The following LTBP2 variants were observed in gnomAD, a reference collection of about 807,000 sequenced individuals.
LTBP2 encodes the protein latent transforming growth factor beta binding protein 2, also known as latent-transforming growth factor beta-binding protein 2.
A neutral mutation model predicts 210.6 loss-of-function variants in LTBP2; 103 were observed. The ratio of observed to expected loss-of-function variants is 0.49; its 90% CI spans 0.42 to 0.58. The LOEUF (loss-of-function observed/expected upper bound fraction) is 0.58. LTBP2 is among the 20% of genes least tolerant of loss of function. LTBP2 has a pLI of 0.00. For missense variants in LTBP2, 2,313 were observed against 2,494.5 expected (o/e 0.93, Z 1.55); for synonymous variants, 1,007 against 1,015.0 (o/e 0.99, Z 0.15).
At position 74,517,764 on chromosome 14, in the gene LTBP2, GT is replaced by G. The variant is rs528908601; in HGVS notation, c.2789-824del. ...TTAGGTAACCATGGATCTGTAGGGTGTGGTTTCTGTCACTTTTCCAAAGTAT... is the reference window on the plus strand; with the variant it reads ...TTAGGTAACCATGGATCTGTAGGGTGGGTTTCTGTCACTTTTCCAAAGTAT... On this transcript the variant is annotated intron_variant, in intron 17 of 35. Coordinates refer to ENST00000261978, the MANE Select transcript of LTBP2 (RefSeq NM_000428.3). 9.8e-5 allele frequency among the ~76,000 whole-genome samples: 15 copies of G among 152,324 alleles called. No homozygotes were observed. In the East Asian group the frequency reaches 2.9e-3, roughly 29 times the overall value.
At chr14:74,587,742 T>C (rs998086595) in intron 2 of LTBP2, among the ~76,000 whole-genome samples, 2 of 152,136 alleles carry the variant, frequency 1.3e-5, no homozygotes, top group Non-Finnish European at 2.9e-5. Context: ...AGCAGGTTCC[T>C]GGGTTTTGTG....
At chr14:74,529,677 C>A (rs2087325747) in intron 10 of LTBP2, among the ~76,000 whole-genome samples, 1 of 152,190 alleles carries the variant, frequency 6.6e-6, no homozygotes, top group African/African-American at 2.4e-5. Context: ...ACCAATCAAA[C>A]ACAGAATCAA....
intron 10 of LTBP2, among the ~76,000 whole-genome samples, chr14:74,529,950 G>T (rs2087329292): frequency 6.6e-6 from 1 of 152,130 alleles, no homozygotes; most frequent in African/African-American, 2.4e-5. Flanking sequence ...ATGATTCTGG[G>T]GAAGTGCTGG....
intron 8 of LTBP2, 117 bp downstream of exon 8, chr14:74,549,746 T>C: frequency 1.2e-6 from 1 of 868,554 alleles, no homozygotes; most frequent in South Asian, 1.3e-5. Flanking sequence ...GTCTGCAGTT[T>C]ACCAGCCTGT....
chr14:74,523,017 C>T (rs941063069), intron 15 of LTBP2, 99 bp from the exon 16 acceptor site: 9 of 1,443,670 alleles, frequency 6.2e-6, no homozygotes, highest in Non-Finnish European at 8.5e-6. Context: ...GTCTAGGGGC[C>T]TCAGAAGGCC....
At chr14:74,590,424 G>A (rs1357603570) in intron 2 of LTBP2, among the ~76,000 whole-genome samples, 1 of 152,088 alleles carries the variant, frequency 6.6e-6, no homozygotes, top group Non-Finnish European at 1.5e-5. Flanking sequence ...AGAAAATGTG[G>A]TGAACCCCAT....
rs1453807191 is a variant in LTBP2, at chr14:74,500,502, G to A, written c.*382C>T. On this transcript the variant is annotated 3_prime_UTR_variant, in exon 36 of 36. Coordinates refer to ENST00000261978, the MANE Select transcript of LTBP2 (RefSeq NM_000428.3). Reference sequence around the variant, plus strand: ...CTCTGTCCCAGTTGTGGGATCGTCAGGATGATGGTGGATTGTGGCTGGAAA... The same window carrying A: ...CTCTGTCCCAGTTGTGGGATCGTCAAGATGATGGTGGATTGTGGCTGGAAA... The A allele has an allele frequency of 4.6e-6, 2 of 433,650 alleles. No homozygotes were observed. 26.9% of individuals were successfully genotyped at this position (433,650 alleles called of 1,614,324 possible). A position where few individuals can be genotyped will look rare whatever the true frequency, so the allele number is the denominator to read the frequency against.
In LTBP2 at chr14:74,510,090, C is replaced by A. The variant is rs1173459626; in HGVS notation, c.3151+1G>T. 4.3e-6 allele frequency: 7 copies of A among 1,613,930 alleles called. No homozygotes were observed. Among genetic ancestry groups the A allele is most frequent in the Non-Finnish European group, 5.1e-6 (6 of 1,180,002 alleles). ...GAAGGGGCGCTTCAGCATCTCTGTA[C>A]CTTGGCAGCCCTTCTCATCTGAGGT... is the stretch of plus-strand genomic sequence containing the variant. On this transcript the variant is annotated splice_donor_variant, in intron 20 of 35. Coordinates refer to ENST00000261978, the MANE Select transcript of LTBP2 (RefSeq NM_000428.3). LOFTEE classifies it high-confidence loss of function.
In LTBP2 at chr14:74,509,280, C is replaced by T. The variant is rs761500203; in HGVS notation, c.3361G>A (p.Asp1121Asn). Residue 1121 changes from aspartate to asparagine, a missense_variant, in exon 22 of 36, where the codon GAT (aspartate) becomes AAT (asparagine). Around this residue, in one of 3 missense-constraint regions of LTBP2, gnomAD observed 1,867 missense variants for 1,976.9 expected, o/e 0.94. Transcript: ENST00000261978. ...TAGSFSCKDC[D>N]GGYRPSPLGD... is the part of the protein sequence containing the mutation. ...AGGGGGCTGGGCCGGTAGCCCCCAT[C>T]GCAGTCCTTGCAGGAGAAGGAGCCA... The T allele has an allele frequency of 8.7e-6, 14 of 1,613,662 alleles. No individual in the cohort carries two copies. Among genetic ancestry groups the T allele is most frequent in the South Asian group, 3.3e-5 (3 of 91,080 alleles).
chr14:74,550,868 A>G (rs2087643461), intron 7 of LTBP2, among the ~76,000 whole-genome samples, 196 bp downstream of exon 7: 1 of 152,270 alleles, frequency 6.6e-6, no homozygotes, highest in Non-Finnish European at 1.5e-5. Context: ...AGCACCAAGT[A>G]GAGCCCAGGA....
At chr14:74,516,625 G>A (rs2087138261) in intron 18 of LTBP2, among the ~76,000 whole-genome samples, 197 bp downstream of exon 18, 2 of 152,188 alleles carry the variant, frequency 1.3e-5, no homozygotes, top group African/African-American at 4.8e-5. Context: ...GCAGGTGGCA[G>A]ACAGGATGCC....
Position 74,601,185 on chromosome 14 carries a change from G to T in LTBP2, c.565+2450C>A, listed in dbSNP as rs74717211. Among the ~76,000 whole-genome samples the T allele has an allele frequency of 7.0e-3, 1,060 of 152,262 alleles. 10 individuals are homozygous for T. Among genetic ancestry groups the T allele is most frequent in the African/African-American group, 0.024 (1,001 of 41,528 alleles). Reference sequence around the variant, plus strand: ...GCTCAGAGCTGATTTTGAGTCTCAGGTTCTTTTCCAATAAGGTGTGTGGCC... The same window carrying T: ...GCTCAGAGCTGATTTTGAGTCTCAGTTTCTTTTCCAATAAGGTGTGTGGCC... On this transcript the variant is annotated intron_variant, in intron 2 of 35. Transcript: ENST00000261978.
chr14:74,500,367 T>C lies in LTBP2; in HGVS notation c.*517A>G, dbSNP rs187561548. On this transcript the variant is annotated 3_prime_UTR_variant, in exon 36 of 36. Coordinates refer to ENST00000261978, the MANE Select transcript of LTBP2 (RefSeq NM_000428.3). ...AAATCAGGGCCCAGAACAGATTGGC[T>C]GAGTGGTGGTGATGGTTCTTAGGAG... 6.3e-6 allele frequency: 2 copies of C among 319,678 alleles called. No individual in the cohort carries two copies. The highest frequency in any genetic ancestry group is 9.0e-5 in the Admixed American group (2 of 22,128). The allele number at this position is 319,678 out of a possible 1,614,324, so 19.8% of individuals were successfully genotyped here. A position where few individuals can be genotyped will look rare whatever the true frequency, so the allele number is the denominator to read the frequency against.
In LTBP2 at chr14:74,505,179, G is replaced by A; in HGVS notation, c.4178-5C>T. On this transcript the variant is annotated splice_region_variant and splice_polypyrimidine_tract_variant and intron_variant, in intron 28 of 35. Transcript: ENST00000261978. ...GGGCCTCAGACATACTCTGACCTGT[G>A]CGTGACAGATGCTCATTACTGTCTG... 1 of 1,612,222 alleles carries A rather than the reference G, an allele frequency of 6.2e-7. No homozygotes were observed. Among genetic ancestry groups the A allele is most frequent in the Non-Finnish European group, 8.5e-7 (1 of 1,179,988 alleles).
At chr14:74,509,945 C>G in intron 20 of LTBP2, 86 bp from the exon 21 acceptor site, 1 of 1,610,630 alleles carries the variant, frequency 6.2e-7, no homozygotes, top group Admixed American at 1.7e-5. Flanking sequence ...GGGGGAAGGA[C>G]AGGTCTGGGC....
intron 28 of LTBP2, 128 bp from the exon 29 acceptor site, chr14:74,505,302 A>G: frequency 3.9e-6 from 4 of 1,025,864 alleles, no homozygotes; most frequent in South Asian, 2.7e-5. Context: ...TGTTACCTGT[A>G]TTACCTCACT....
At chr14:74,516,606 TCCCCTGCTGCAGGTGG>T (rs2087138172) in intron 18 of LTBP2, among the ~76,000 whole-genome samples, 200 bp downstream of exon 18, 1 of 152,074 alleles carries the variant, frequency 6.6e-6, no homozygotes, top group South Asian at 2.1e-4. Flanking sequence ...TTGTTCATGC[TCCCCTGCTGCAGGTGG>T]CAGACAGGAT....
intron 3 of LTBP2, among the ~76,000 whole-genome samples, chr14:74,578,001 G>A (rs941872025): frequency 2.6e-5 from 4 of 151,968 alleles, no homozygotes; most frequent in African/African-American, 7.3e-5. Flanking sequence ...CAAAGAGGGG[G>A]CCACGTAGCC....
At position 74,525,244 on chromosome 14, in the gene LTBP2, A is replaced by T. The variant is rs959773481; in HGVS notation, c.2429-19T>A. On this transcript the variant is annotated intron_variant, in intron 14 of 35. Transcript: ENST00000261978. ...GCATTCCCTGTGGAGGAGAGAGGGG[A>T]AGAGGTGGGGTTGTGGCCCCTTGGC... The T allele has an allele frequency of 3.9e-6, 5 of 1,296,380 alleles. No homozygotes were observed. In the African/African-American group the frequency reaches 7.6e-5, roughly 20 times the overall value. 80.3% of individuals were successfully genotyped at this position (1,296,380 alleles called of 1,614,324 possible).
Sources: allele counts gnomAD v4.1 joint callset (sites outside exome capture counted in the v4.1 genomes callset), GRCh38; gene constraint gnomAD v4.1.1; regional missense constraint gnomAD v4.1.1; transcripts MANE v1.5; gene names NCBI Gene and HGNC (gene_info 2026-07-23, HGNC 2026-07-21).